The following CFAP299 variants were observed in gnomAD, a reference collection of about 807,000 sequenced individuals.
CFAP299 encodes cilia and flagella associated protein 299, also known as cilia- and flagella-associated protein 299.
Under a neutral mutation model 27.0 loss-of-function variants are expected in CFAP299, and 21 were observed. The ratio of observed to expected loss-of-function variants is 0.78; its 90% CI spans 0.55 to 1.12. The LOEUF (loss-of-function observed/expected upper bound fraction) is 1.12, where lower values mean the gene tolerates loss of function less well. CFAP299 is among the 50% of genes most tolerant of loss of function. The probability of loss-of-function intolerance (pLI) is 0.00; values close to 1 mark genes in which losing one functional copy is unlikely to be tolerated. For missense variants in CFAP299, 310 were observed against 276.6 expected, an observed-to-expected ratio of 1.12 and a Z score of -0.86; for synonymous variants, 104 against 98.1, an observed-to-expected ratio of 1.06 and a Z score of -0.36.
At chr4:80,872,857 T>C (rs1027916977) in intron 4 of CFAP299, 1 of 936,540 alleles carries the variant, frequency 1.1e-6, no homozygotes, top group African/African-American at 1.8e-5. Context: ...TTTTTGGATA[T>C]TGATTAATCC....
chr4:80,487,036 T>C (rs1730853610), intron 2 of CFAP299, among the ~76,000 whole-genome samples: 1 of 152,254 alleles, frequency 6.6e-6, no homozygotes, highest in African/African-American at 2.4e-5. Flanking sequence ...CTTCAACTCC[T>C]GGAGACCACT....
At chr4:80,527,193 C>T (rs1203419468) in intron 2 of CFAP299, among the ~76,000 whole-genome samples, 3 of 152,038 alleles carry the variant, frequency 2.0e-5, no homozygotes, top group Admixed American at 2.0e-4. Flanking sequence ...CTCCTCAGTA[C>T]CAAAACATGC....
intron 2 of CFAP299, among the ~76,000 whole-genome samples, chr4:80,478,168 C>G (rs1162542733): frequency 6.6e-6 from 1 of 152,052 alleles, no homozygotes; most frequent in Non-Finnish European, 1.5e-5. Flanking sequence ...GATGTCGTAC[C>G]TGGTGTATTG....
chr4:80,358,699 T>G (rs1226968747), intron 1 of CFAP299, among the ~76,000 whole-genome samples: 2 of 152,206 alleles, frequency 1.3e-5, no homozygotes, highest in African/African-American at 2.4e-5. Flanking sequence ...CATTCCTTTA[T>G]TTTGAGCCTA....
intron 3 of CFAP299, among the ~76,000 whole-genome samples, chr4:80,731,748 G>C (rs987007022): frequency 1.3e-5 from 2 of 151,938 alleles, no homozygotes; most frequent in Admixed American, 6.6e-5. Flanking sequence ...GGAAGTCTTT[G>C]GCTGAGTTGA....
chr4:80,618,406 A>G (rs1738406360), intron 3 of CFAP299, among the ~76,000 whole-genome samples: 2 of 152,268 alleles, frequency 1.3e-5, no homozygotes, highest in African/African-American at 2.4e-5. Flanking sequence ...CCAGCCAAGT[A>G]TGTACTTTGA....
chr4:80,526,765 T>C (rs978809150), intron 2 of CFAP299, among the ~76,000 whole-genome samples: 5 of 152,146 alleles, frequency 3.3e-5, no homozygotes, highest in African/African-American at 1.2e-4. Context: ...CAGAACAGAT[T>C]CACTTTATCT....
intron 3 of CFAP299, among the ~76,000 whole-genome samples, chr4:80,799,298 T>C (rs1286647523): frequency 2.8e-5 from 3 of 107,726 alleles, no homozygotes; most frequent in Non-Finnish European, 5.0e-5. Context: ...TAAATATATT[T>C]ATATAATATT....
At chr4:80,699,849 A>G (rs1463017150) in intron 3 of CFAP299, among the ~76,000 whole-genome samples, 1 of 152,150 alleles carries the variant, frequency 6.6e-6, no homozygotes, top group Non-Finnish European at 1.5e-5. Flanking sequence ...GAAGTAGGCA[A>G]TGGCTGTATC....
intron 3 of CFAP299, among the ~76,000 whole-genome samples, chr4:80,660,774 C>T (rs1740799989): frequency 6.6e-6 from 1 of 152,008 alleles, no homozygotes; most frequent in African/African-American, 2.4e-5. Flanking sequence ...TCACAAAGGG[C>T]TCGATTGAGT....
At chr4:80,488,879 C>A (rs1173970943) in intron 2 of CFAP299, among the ~76,000 whole-genome samples, 2 of 152,118 alleles carry the variant, frequency 1.3e-5, no homozygotes, top group Non-Finnish European at 2.9e-5. Flanking sequence ...GCAAAAAAAA[C>A]GTTTGTGTCT....
intron 3 of CFAP299, among the ~76,000 whole-genome samples, chr4:80,676,406 G>A (rs1719458036): frequency 6.6e-6 from 1 of 152,058 alleles, no homozygotes; most frequent in Non-Finnish European, 1.5e-5. Flanking sequence ...CAATGATAAT[G>A]GCCTGTAGTT....
intron 2 of CFAP299, among the ~76,000 whole-genome samples, chr4:80,545,496 C>G (rs1734183553): frequency 1.3e-5 from 2 of 151,890 alleles, no homozygotes; most frequent in African/African-American, 4.8e-5. Flanking sequence ...ATTCGAAAAC[C>G]TAGAAGAAAT....
chr4:80,674,439 CTGGCTGCCCTTAACATTTTTTCCCTCAT>C (rs1418401991), intron 3 of CFAP299, among the ~76,000 whole-genome samples: 1 of 152,174 alleles, frequency 6.6e-6, no homozygotes, highest in African/African-American at 2.4e-5. Context: ...ACCTTTCTCT[CTGGCTGCCCTTAACATTTTTTCCCTCAT>C]TTCAACCTTG....
Position 80,658,556 on chromosome 4 carries a change from C to G in CFAP299, c.333+75373C>G, listed in dbSNP as rs142829878. ...CATTTATTGATTTGTGTATGTTTTA[C>G]CAGCCTTGCATCATTGATACAAAAG... On this transcript the variant is annotated intron_variant, in intron 3 of 5. Coordinates refer to ENST00000358105, the MANE Select transcript of CFAP299 (RefSeq NM_152770.3). Among the ~76,000 whole-genome samples the G allele has an allele frequency of 3.0e-3, 464 of 152,224 alleles. 4 individuals carry two copies. Among genetic ancestry groups the G allele is most frequent in the African/African-American group, 0.011 (447 of 41,546 alleles).
At chr4:80,694,144 T>G (rs2110020097) in intron 3 of CFAP299, among the ~76,000 whole-genome samples, 2 of 152,338 alleles carry the variant, frequency 1.3e-5, no homozygotes, top group Middle Eastern at 6.8e-3. Flanking sequence ...ACATGTGCAG[T>G]GCATTCTTTG....
At chr4:80,374,511 C>G (rs1724309583) in intron 2 of CFAP299, among the ~76,000 whole-genome samples, 3 of 152,064 alleles carry the variant, frequency 2.0e-5, no homozygotes, top group Admixed American at 2.0e-4. Flanking sequence ...GAGCAGTGGG[C>G]TACTTCTTCA....
At chr4:80,800,635 T>C (rs1320389075) in intron 3 of CFAP299, among the ~76,000 whole-genome samples, 1 of 104,032 alleles carries the variant, frequency 9.6e-6, no homozygotes, top group Admixed American at 1.6e-4. Context: ...TTAATATAAA[T>C]ATATAATATA....
At chr4:80,694,508 T>C (rs1384669615) in intron 3 of CFAP299, among the ~76,000 whole-genome samples, 1 of 152,200 alleles carries the variant, frequency 6.6e-6, no homozygotes. Flanking sequence ...ACAAATACTC[T>C]GAGTATTTAA....
Sources: allele counts gnomAD v4.1 joint callset (sites outside exome capture counted in the v4.1 genomes callset), GRCh38; gene constraint gnomAD v4.1.1; transcripts MANE v1.5; gene names NCBI Gene and HGNC (gene_info 2026-07-23, HGNC 2026-07-21).